XKR6: variants seen among roughly 807,000 people sequenced by gnomAD.
XKR6 encodes XK-related protein 6.
Under a neutral mutation model 56.7 loss-of-function variants are expected in XKR6, and 22 were observed. The ratio of observed to expected loss-of-function variants is 0.39; its 90% CI spans 0.28 to 0.55. The LOEUF (loss-of-function observed/expected upper bound fraction) is 0.55, where lower values mean the gene tolerates loss of function less well. Among genes scored for constraint, XKR6 ranks in the 20% least tolerant of loss-of-function variants. The probability of loss-of-function intolerance (pLI) is 0.66; values close to 1 mark genes in which losing one functional copy is unlikely to be tolerated. For missense variants in XKR6, 852 were observed against 889.0 expected, an observed-to-expected ratio of 0.96 and a Z score of 0.53; for synonymous variants, 524 against 387.8, an observed-to-expected ratio of 1.35 and a Z score of -4.13.
intron 1 of XKR6, among the ~76,000 whole-genome samples, chr8:10,984,822 G>C (rs1441701719): frequency 6.7e-6 from 1 of 148,790 alleles, no homozygotes; most frequent in African/African-American, 2.5e-5. Flanking sequence ...TTCAAGAATG[G>C]AAAGCCATCT....
rs371416066 is a variant in XKR6 at position 10,996,734 on chromosome 8, T to C, written c.765-71904A>G. On this transcript the variant is annotated intron_variant, in intron 1 of 2. Coordinates refer to ENST00000416569, the MANE Select transcript of XKR6 (RefSeq NM_173683.4). ...AGACACTAACAAGAAAAGTCTGGGC[T>C]CGGCATGGTGGTTCATGCCTGTAAT... 2.3e-4 allele frequency among the ~76,000 whole-genome samples: 35 copies of C among 152,254 alleles called. No individual in the cohort carries two copies. In the East Asian group the frequency reaches 6.8e-3, roughly 29 times the overall value.
intron 1 of XKR6, among the ~76,000 whole-genome samples, chr8:11,026,797 T>G (rs1798877367): frequency 6.6e-6 from 1 of 151,716 alleles, no homozygotes; most frequent in East Asian, 1.9e-4. Flanking sequence ...CTAGATGGTC[T>G]AGGCTACTAC....
At chr8:11,128,949 G>T (rs1246832671) in intron 1 of XKR6, 2 of 456,690 alleles carry the variant, frequency 4.4e-6, no homozygotes, top group Admixed American at 4.7e-5. Flanking sequence ...AAAGCAGCCA[G>T]AAAGTCTTTT....
chr8:11,004,880 A>C (rs1798329490), intron 1 of XKR6, among the ~76,000 whole-genome samples: 3 of 152,238 alleles, frequency 2.0e-5, no homozygotes, highest in Admixed American at 2.0e-4. Flanking sequence ...ATTCTGGCCC[A>C]TGCTACAACA....
At chr8:11,053,888 A>T (rs1396192585) in intron 1 of XKR6, among the ~76,000 whole-genome samples, 1 of 152,230 alleles carries the variant, frequency 6.6e-6, no homozygotes, top group African/African-American at 2.4e-5. Context: ...GAATTTGATG[A>T]TTTTAACATG....
intron 1 of XKR6, among the ~76,000 whole-genome samples, chr8:11,129,398 TAAC>T (rs1223380988): frequency 2.0e-5 from 3 of 152,162 alleles, no homozygotes; most frequent in African/African-American, 4.8e-5. Flanking sequence ...TGATGGTACT[TAAC>T]AACAACAAAA....
intron 1 of XKR6, among the ~76,000 whole-genome samples, chr8:10,957,855 G>A (rs901838482): frequency 6.6e-6 from 1 of 152,016 alleles, no homozygotes; most frequent in Non-Finnish European, 1.5e-5. Context: ...AACCAAGTTA[G>A]GATCCAACAA....
intron 2 of XKR6, among the ~76,000 whole-genome samples, chr8:10,907,975 C>T (rs1432217913): frequency 3.3e-5 from 5 of 152,248 alleles, no homozygotes; most frequent in African/African-American, 1.2e-4. Flanking sequence ...CAGCAGCCAA[C>T]ATGATTAAGC....
At chr8:11,071,201 G>T (rs1333669682) in intron 1 of XKR6, among the ~76,000 whole-genome samples, 1 of 152,182 alleles carries the variant, frequency 6.6e-6, no homozygotes, top group Non-Finnish European at 1.5e-5. Context: ...TCACGGGTGT[G>T]TGGTCATTGC....
chr8:11,137,771 C>A (rs1471544425), intron 1 of XKR6: 1 of 447,648 alleles, frequency 2.2e-6, no homozygotes, highest in South Asian at 1.6e-5. Context: ...GGTCCTCTTT[C>A]TCTTTACCAT....
intron 1 of XKR6, among the ~76,000 whole-genome samples, chr8:11,186,182 G>A (rs1201015244): frequency 6.6e-6 from 1 of 151,254 alleles, no homozygotes; most frequent in Non-Finnish European, 1.5e-5. Context: ...ACACATTCAT[G>A]CCCCCCCATC....
chr8:10,899,121 C>A (rs141065161), intron 2 of XKR6, among the ~76,000 whole-genome samples: 4 of 152,198 alleles, frequency 2.6e-5, no homozygotes, highest in African/African-American at 9.7e-5. Context: ...TTTCAACAAC[C>A]CCATTTGCCA....
At chr8:11,029,943 C>T (rs914085650) in intron 1 of XKR6, among the ~76,000 whole-genome samples, 1 of 152,144 alleles carries the variant, frequency 6.6e-6, no homozygotes, top group Non-Finnish European at 1.5e-5. Context: ...GTGTCCATAC[C>T]TCCAATCTCC....
At chr8:10,927,494 G>A (rs1476716389) in intron 1 of XKR6, among the ~76,000 whole-genome samples, 1 of 152,154 alleles carries the variant, frequency 6.6e-6, no homozygotes, top group Non-Finnish European at 1.5e-5. Context: ...CAGCCTCACA[G>A]GTGGCCCAGC....
intron 1 of XKR6, among the ~76,000 whole-genome samples, chr8:11,128,429 A>G (rs1270313527): frequency 6.6e-6 from 1 of 152,146 alleles, no homozygotes; most frequent in African/African-American, 2.4e-5. Flanking sequence ...CTTCATCACA[A>G]CTGCCTATTT....
rs539915255 is a variant in XKR6, at chr8:11,179,745, A to G, written c.764+20831T>C. The stretch of plus-strand genomic sequence containing the variant: ...ACCCAGAAAGATAATGCTCTCCACC[A>G]TATACAAATTACTGTGCAGGAGACA... On this transcript the variant is annotated intron_variant, in intron 1 of 2. Coordinates refer to ENST00000416569, the MANE Select transcript of XKR6 (RefSeq NM_173683.4). 2.6e-5 allele frequency among the ~76,000 whole-genome samples: 4 copies of G among 152,342 alleles called. No individual in the cohort carries two copies. In the South Asian group the frequency reaches 8.3e-4, roughly 32 times the overall value.
chr8:11,113,045 T>A (rs531003930), intron 1 of XKR6, among the ~76,000 whole-genome samples: 1 of 152,286 alleles, frequency 6.6e-6, no homozygotes, highest in South Asian at 2.1e-4. Flanking sequence ...TTCCTTACAA[T>A]TTGCCTTCTG....
intron 1 of XKR6, chr8:11,111,549 T>A (rs73545485): frequency 6.6e-6 from 1 of 151,936 alleles, no homozygotes; most frequent in African/African-American, 2.4e-5. Flanking sequence ...TCTAAATAAC[T>A]TACACTGCAA....
intron 1 of XKR6, among the ~76,000 whole-genome samples, chr8:11,153,589 G>A (rs1371741187): frequency 6.6e-6 from 1 of 152,154 alleles, no homozygotes; most frequent in African/African-American, 2.4e-5. Context: ...TGAAATACAA[G>A]GAATAATTTT....
Sources: gnomAD v4.1 joint callset for allele counts (sites outside exome capture counted in the v4.1 genomes callset) on GRCh38, gnomAD v4.1.1 for gene constraint, MANE v1.5 for transcripts, NCBI Gene and HGNC (gene_info 2026-07-23, HGNC 2026-07-21) for gene names.